COL12A1: variants seen among roughly 807,000 people sequenced by gnomAD.
The protein encoded by COL12A1 is collagen alpha-1(XII) chain.
Under a neutral mutation model 349.7 loss-of-function variants are expected in COL12A1, and 114 were observed. The ratio of observed to expected loss-of-function variants is 0.33; its 90% confidence interval spans 0.28 to 0.38. The LOEUF is 0.38. Ranked by LOEUF, COL12A1 falls within the 10% of genes least tolerant of loss-of-function variation. The probability of loss-of-function intolerance (pLI) is 1.00; values close to 1 mark genes in which losing one functional copy is unlikely to be tolerated. For synonymous variants in COL12A1, 1,369 were observed against 1,329.0 expected, an observed-to-expected ratio of 1.03 and a Z score of -0.66; for missense variants, 3,284 against 3,756.9, an observed-to-expected ratio of 0.87 and a Z score of 3.29.
At chr6:75,165,876 A>C in intron 13 of COL12A1, 97 bp from the exon 14 acceptor site, 1 of 1,212,258 alleles carries the variant, frequency 8.2e-7, no homozygotes, top group Non-Finnish European at 1.1e-6. Context: ...GACTTGCTGG[A>C]CTCACACTCA....
At chr6:75,162,373 G>A (rs578151645) in intron 14 of COL12A1, among the ~76,000 whole-genome samples, 20 of 152,166 alleles carry the variant, frequency 1.3e-4, no homozygotes, top group Admixed American at 2.6e-4. Context: ...ATAACCATCT[G>A]ATCTTTGACA....
chr6:75,154,828 T>C (rs1434286759), intron 16 of COL12A1, among the ~76,000 whole-genome samples: 1 of 152,158 alleles, frequency 6.6e-6, no homozygotes. Flanking sequence ...CTACCCTGCC[T>C]TTCAGCATGT....
intron 49 of COL12A1, 144 bp downstream of exon 49, chr6:75,115,640 A>C (rs997394595): frequency 3.1e-5 from 33 of 1,048,922 alleles, no homozygotes; most frequent in Non-Finnish European, 4.6e-5. Context: ...AATTAGCCTA[A>C]CTGTATTTAA....
Position 75,124,280 on chromosome 6 carries a change from G to A in COL12A1, c.6699C>T (p.Tyr2233=). Residue 2233 remains tyrosine (Y), a synonymous_variant, in exon 41 of 66, where the codon TAC becomes TAT. Coordinates refer to ENST00000322507, the MANE Select transcript of COL12A1 (RefSeq NM_004370.6). ...CATCTGCAGGGCTTAGTTTTAGCCTGTAGGAGGTGGCTGCCCGGTGAGGTG... is the reference window on the plus strand; with the variant it reads ...CATCTGCAGGGCTTAGTTTTAGCCTATAGGAGGTGGCTGCCCGGTGAGGTG... ...KWSPHRAATS[Y]RLKLSPADGT... is the part of the protein sequence containing the mutation. The A allele has an allele frequency of 6.2e-7, 1 of 1,613,702 alleles. No homozygotes were observed. The highest frequency in any genetic ancestry group is 1.3e-5 in the African/African-American group (1 of 75,000).
At position 75,084,721 on chromosome 6, in the gene COL12A1, G is replaced by A. The variant is rs1767397558; in HGVS notation, c.*1826C>T. On this transcript the variant is annotated 3_prime_UTR_variant, in exon 66 of 66. Coordinates refer to ENST00000322507, the MANE Select transcript of COL12A1 (RefSeq NM_004370.6). ...CCGGCGTATAACAGAGATAGAAGAGGAAGATAAGTAATTGCAATGGAGTTG... is the reference window on the plus strand; with the variant it reads ...CCGGCGTATAACAGAGATAGAAGAGAAAGATAAGTAATTGCAATGGAGTTG... 1 of 156,770 alleles carries A rather than the reference G, an allele frequency of 6.4e-6. No homozygotes were observed. The allele number at this position is 156,770 out of a possible 1,614,324, so 9.7% of individuals were successfully genotyped here.
At chr6:75,182,753 G>T (rs2149464851) in intron 10 of COL12A1, among the ~76,000 whole-genome samples, 1 of 152,264 alleles carries the variant, frequency 6.6e-6, no homozygotes, top group Non-Finnish European at 1.5e-5. Context: ...GATTTGGATT[G>T]TAAATGACAC....
chr6:75,148,348 T>A lies in COL12A1; in HGVS notation c.4287+10A>T. On this transcript the variant is annotated intron_variant, in intron 22 of 65. Transcript: ENST00000322507. ...TCAGGAAGAAGTAAGTTATAGGTGT[T>A]CCTACTCACTTCTTGACGTTTCCCT... The A allele has an allele frequency of 6.2e-7, 1 of 1,610,816 alleles. No individual in the cohort carries two copies. Among genetic ancestry groups the A allele is most frequent in the Non-Finnish European group, 8.5e-7 (1 of 1,178,342 alleles).
chr6:75,090,049 C>A lies in COL12A1; in HGVS notation c.8941+61G>T. The A allele has an allele frequency of 1.9e-6, 3 of 1,582,588 alleles. No homozygotes were observed. Among genetic ancestry groups the A allele is most frequent in the Non-Finnish European group, 2.6e-6 (3 of 1,157,226 alleles). ...CACCTTTCAGATGCCTTCAACCTGT[C>A]CCAACTCCTACATTTGCAAATTCCT... On this transcript the variant is annotated intron_variant, in intron 63 of 65. Coordinates refer to ENST00000322507, the MANE Select transcript of COL12A1 (RefSeq NM_004370.6). The surrounding 1 kb of genome is among the most constrained non-coding windows in gnomAD (Gnocchi z 4.1).
chr6:75,191,604 G>T (rs1769932661), intron 5 of COL12A1, 97 bp downstream of exon 5: 3 of 687,490 alleles, frequency 4.4e-6, no homozygotes, highest in African/African-American at 3.8e-5. Flanking sequence ...ATTAATATAG[G>T]AATAAGATCA....
intron 13 of COL12A1, among the ~76,000 whole-genome samples, chr6:75,173,409 T>A (rs1392641941): frequency 6.6e-6 from 1 of 152,106 alleles, no homozygotes; most frequent in East Asian, 1.9e-4. Context: ...GGAGTTTCAT[T>A]CTTGTTGCCC....
chr6:75,086,441 G>T lies in COL12A1; in HGVS notation c.*106C>A. On this transcript the variant is annotated 3_prime_UTR_variant, in exon 66 of 66. Transcript: ENST00000322507. ...GTTCGTTAACCATTATCTGTGGTGA[G>T]ATTTCCATACAGACTCATTTCCTAA... 1 of 1,054,228 alleles carries T rather than the reference G, an allele frequency of 9.5e-7. No homozygotes were observed. The highest frequency in any genetic ancestry group is 1.4e-6 in the Non-Finnish European group (1 of 721,064). The allele number at this position is 1,054,228 out of a possible 1,614,324, so 65.3% of individuals were successfully genotyped here. A position where few individuals can be genotyped will look rare whatever the true frequency, so the allele number is the denominator to read the frequency against.
At chr6:75,123,536 G>A (rs1765852920) in intron 42 of COL12A1, 132 bp from the exon 43 acceptor site, 1 of 738,246 alleles carries the variant, frequency 1.4e-6, no homozygotes, top group Admixed American at 2.8e-5. Flanking sequence ...ATTGTCATCG[G>A]TACTGACATG....
chr6:75,180,967 G>T lies in COL12A1; in HGVS notation c.2136C>A (p.Pro712=). 2 of 1,613,536 alleles carry T rather than the reference G, an allele frequency of 1.2e-6. No individual in the cohort carries two copies. Among genetic ancestry groups the T allele is most frequent in the Non-Finnish European group, 1.7e-6 (2 of 1,179,754 alleles). Residue 712 remains proline (P), a synonymous_variant, in exon 11 of 66, where the codon CCC becomes CCA. Coordinates refer to ENST00000322507, the MANE Select transcript of COL12A1 (RefSeq NM_004370.6). The part of the protein sequence containing the change: ...TAEYEDGFSI[P]LAGEETTEEV... ...CTTCGGTGGTCTCCTCTCCAGCTAA[G>T]GGAATGCTGAAGCCATCCTCATACT...
At position 75,100,955 on chromosome 6, in the gene COL12A1, A is replaced by G. The variant is rs56335685; in HGVS notation, c.8523+645T>C. On this transcript the variant is annotated intron_variant, in intron 58 of 65. Coordinates refer to ENST00000322507, the MANE Select transcript of COL12A1 (RefSeq NM_004370.6). ...TTTATTAAAGCATTTGTGGTCTCCT[A>G]TGGAACCAAATATTTCACATTATTG... 1.9e-3 allele frequency among the ~76,000 whole-genome samples: 285 copies of G among 152,340 alleles called. 1 individual carries two copies. The highest frequency in any genetic ancestry group is 6.5e-3 in the African/African-American group (271 of 41,568).
At chr6:75,126,865 TA>T (rs1766042301) in intron 38 of COL12A1, among the ~76,000 whole-genome samples, 2 of 152,070 alleles carry the variant, frequency 1.3e-5, no homozygotes, top group African/African-American at 4.8e-5. Flanking sequence ...ATCAAATACA[TA>T]AGATATTATT....
At chr6:75,108,920 A>C in intron 52 of COL12A1, 98 bp downstream of exon 52, 2 of 1,319,362 alleles carry the variant, frequency 1.5e-6, no homozygotes, top group Non-Finnish European at 2.1e-6. Flanking sequence ...AAACTCACTG[A>C]GAAAAATAGA....
chr6:75,161,600 C>G (rs1159329716), intron 14 of COL12A1, among the ~76,000 whole-genome samples: 1 of 152,150 alleles, frequency 6.6e-6, no homozygotes, highest in East Asian at 1.9e-4. Context: ...TGGCACAAGA[C>G]AAGGATGCCC....
intron 22 of COL12A1, 83 bp downstream of exon 22, chr6:75,148,275 A>G (rs893785490): frequency 1.2e-5 from 16 of 1,388,822 alleles, no homozygotes; most frequent in Non-Finnish European, 1.6e-5. Context: ...CTTGCCCCTC[A>G]CCTAACATTA....
At chr6:75,171,980 A>G (rs1209549763) in intron 13 of COL12A1, among the ~76,000 whole-genome samples, 2 of 152,280 alleles carry the variant, frequency 1.3e-5, no homozygotes, top group Non-Finnish European at 2.9e-5. Context: ...ATTGTAAATT[A>G]CTACAATTTA....
Sources: gnomAD v4.1 joint callset for allele counts (sites outside exome capture counted in the v4.1 genomes callset) on GRCh38, gnomAD v4.1.1 for gene constraint, Gnocchi (gnomAD v3.1) non-coding constraint, MANE v1.5 for transcripts, NCBI Gene and HGNC (gene_info 2026-07-23, HGNC 2026-07-21) for gene names.